Variants in SEC14L3 observed in about 807,000 individuals in gnomAD.
The protein encoded by SEC14L3 is SEC14-like protein 3.
SEC14L3 carries 56 observed loss-of-function variants against 57.4 expected under a neutral mutation model. That is an observed-to-expected ratio of 0.97 (90% CI 0.79 to 1.22). The LOEUF (loss-of-function observed/expected upper bound fraction) is 1.22, where lower values mean the gene tolerates loss of function less well. SEC14L3 is among the 50% of genes most tolerant of loss of function. The pLI is 0.00. For missense variants in SEC14L3, 485 were observed against 511.7 expected, an observed-to-expected ratio of 0.95 and a Z score of 0.50; for synonymous variants, 173 against 194.4, an observed-to-expected ratio of 0.89 and a Z score of 0.92.
intron 8 of SEC14L3, among the ~76,000 whole-genome samples, chr22:30,463,897 T>G (rs971889499): frequency 3.9e-5 from 6 of 152,200 alleles, no homozygotes; most frequent in African/African-American, 1.4e-4. Context: ...TCTCTCACTA[T>G]CAACAAAAAA....
rs375943459 is a variant in SEC14L3, at chr22:30,461,305, C to A, written c.1081+5G>T. On this transcript the variant is annotated splice_donor_5th_base_variant and intron_variant, in intron 11 of 11. Coordinates refer to ENST00000215812, the MANE Select transcript of SEC14L3 (RefSeq NM_174975.5). ...AGAGCCAGGTCCCAGCTGGGGCAGA[C>A]TTACAGACGCCGGCCTCTGAGCAGG... 12 of 1,578,354 alleles carry A rather than the reference C, an allele frequency of 7.6e-6. No homozygotes were observed. The highest frequency in any genetic ancestry group is 1.0e-5 in the Non-Finnish European group (12 of 1,162,616).
chr22:30,470,689 C>A, intron 1 of SEC14L3, 107 bp from the exon 2 acceptor site: 1 of 1,552,182 alleles, frequency 6.4e-7, no homozygotes, highest in South Asian at 1.2e-5. Context: ...TGCAAAATGG[C>A]CCACATTGAT....
At position 30,468,523 on chromosome 22, in the gene SEC14L3, G is replaced by C. The variant is rs1454326430; in HGVS notation, c.408C>G (p.Asp136Glu). 1 of 1,612,920 alleles carries C rather than the reference G, an allele frequency of 6.2e-7. No individual in the cohort carries two copies. The highest frequency in any genetic ancestry group is 2.2e-5 in the East Asian group (1 of 44,796). ...TGGACCTCACCCTCTCTGTCTGCAGGTCACACTCATGCAGGATGCGCTCAC... is the reference window on the plus strand; with the variant it reads ...TGGACCTCACCCTCTCTGTCTGCAGCTCACACTCATGCAGGATGCGCTCAC... ...RDCERILHEC[D>E]LQTERLGKKI... is the part of the protein sequence containing the mutation. The change falls in exon 5 of 12, where the codon GAC (aspartate) becomes GAG (glutamate). Residue 136 changes from aspartate (D) to glutamate (E), a missense_variant. Asp to Glu is a conservative substitution (Grantham distance 45, BLOSUM62 2). Coordinates refer to ENST00000215812, the MANE Select transcript of SEC14L3 (RefSeq NM_174975.5).
At chr22:30,468,018 C>T (rs1245303901) in intron 5 of SEC14L3, among the ~76,000 whole-genome samples, 2 of 152,128 alleles carry the variant, frequency 1.3e-5, no homozygotes, top group African/African-American at 4.8e-5. Flanking sequence ...CGGTGGCTCA[C>T]GCCTGTAATC....
chr22:30,461,741 G>A (rs758990381), intron 9 of SEC14L3, 47 bp from the exon 10 acceptor site: 1 of 1,578,282 alleles, frequency 6.3e-7, no homozygotes, highest in Non-Finnish European at 8.6e-7. Context: ...CCTGGCCATT[G>A]TTCATGTTTC....
chr22:30,460,253 G>C, intron 11 of SEC14L3, 111 bp from the exon 12 acceptor site: 2 of 1,514,684 alleles, frequency 1.3e-6, no homozygotes, highest in African/African-American at 1.4e-5. Flanking sequence ...TGTTTGCCAA[G>C]CTGGGCCAAG....
chr22:30,457,112 G>T (rs1489237863), downstream of SEC14L3, among the ~76,000 whole-genome samples: 1 of 152,096 alleles, frequency 6.6e-6, no homozygotes, highest in African/African-American at 2.4e-5. Flanking sequence ...TTCCTTTGGT[G>T]GTCAAGGGTG....
chr22:30,452,246 C>CTTTTTTTTTTTTTT (rs750537241), intron 12 of SEC14L3, among the ~76,000 whole-genome samples: 3 of 90,026 alleles, frequency 3.3e-5, no homozygotes, highest in Non-Finnish European at 6.2e-5. Flanking sequence ...TTCTTTCTTT[C>CTTTTTTTTTTTTTT]TTTTTTTTTT....
intron 3 of SEC14L3, 61 bp from the exon 4 acceptor site, chr22:30,470,139 G>A (rs1281887996): frequency 2.5e-6 from 4 of 1,612,238 alleles, no homozygotes; most frequent in Non-Finnish European, 3.4e-6. Context: ...AACAGGGATG[G>A]AAGGAGGGGC....
intron 12 of SEC14L3, among the ~76,000 whole-genome samples, chr22:30,453,699 C>T (rs541887731): frequency 4.6e-5 from 7 of 152,320 alleles, no homozygotes; most frequent in African/African-American, 1.7e-4. Context: ...AGGCGTGAGC[C>T]GCCGTGCCCA....
At chr22:30,451,991 C>CAAAAAAAAAAAAAAAAAAA (rs34799395) in intron 12 of SEC14L3, among the ~76,000 whole-genome samples, 3 of 33,820 alleles carry the variant, frequency 8.9e-5, no homozygotes, top group Non-Finnish European at 1.4e-4. Flanking sequence ...GACTCCATCT[C>CAAAAAAAAAAAAAAAAAAA]AAAAAAAAAA....
chr22:30,470,932 G>A (rs2146129685), intron 1 of SEC14L3, among the ~76,000 whole-genome samples: 1 of 152,268 alleles, frequency 6.6e-6, no homozygotes, highest in South Asian at 2.1e-4. Flanking sequence ...GTGGGTGATT[G>A]AGAGAAAGAA....
At chr22:30,458,101 A>T (rs561364466), downstream of SEC14L3, among the ~76,000 whole-genome samples, 1 of 152,304 alleles carries the variant, frequency 6.6e-6, no homozygotes, top group Non-Finnish European at 1.5e-5. Context: ...GGAGCCTCTC[A>T]TGGCACCAGC....
chr22:30,457,361 T>C (rs968968481), downstream of SEC14L3, among the ~76,000 whole-genome samples: 6 of 149,082 alleles, frequency 4.0e-5, no homozygotes, highest in African/African-American at 1.2e-4. Flanking sequence ...AAACAATGGA[T>C]ACATTTTAAG....
At chr22:30,455,060 TATATATA>T (rs773515172), downstream of SEC14L3, among the ~76,000 whole-genome samples, 26,262 of 75,766 alleles carry the variant, frequency 0.35, 5,367 homozygotes, top group South Asian at 0.55. Context: ...TACAATATAT[TATATATA>T]ATATATAATA....
exon 13 of SEC14L3, chr22:30,448,837 A>T (rs1934927409): frequency 2.4e-6 from 1 of 418,016 alleles, no homozygotes; most frequent in African/African-American, 2.0e-5. Flanking sequence ...GGTTGCAGTG[A>T]GCTATGATCG....
intron 11 of SEC14L3, among the ~76,000 whole-genome samples, chr22:30,460,889 G>A (rs1294318111): frequency 6.6e-6 from 1 of 151,138 alleles, no homozygotes; most frequent in Non-Finnish European, 1.5e-5. Flanking sequence ...GCTCACAGGT[G>A]AGCAAACCAA....
chr22:30,449,187 T>G (rs1285953955), exon 13 of SEC14L3: 2 of 1,550,570 alleles, frequency 1.3e-6, no homozygotes, highest in South Asian at 2.4e-5. Context: ...CTGTAGCTCA[T>G]GGCTGCATAT....
chr22:30,468,152 G>C (rs915062184), intron 5 of SEC14L3, among the ~76,000 whole-genome samples: 2 of 151,968 alleles, frequency 1.3e-5, no homozygotes, highest in Admixed American at 1.3e-4. Flanking sequence ...GGTGGCGGGC[G>C]CCTGTAATCC....
Sources: allele counts gnomAD v4.1 joint callset (sites outside exome capture counted in the v4.1 genomes callset), GRCh38; gene constraint gnomAD v4.1.1; transcripts MANE v1.5; gene names NCBI Gene and HGNC (gene_info 2026-07-23, HGNC 2026-07-21).